Variants in RPSA2 observed in about 807,000 individuals in gnomAD.
The protein encoded by RPSA2 is small ribosomal subunit protein uS2B.
the RPSA2 span, among the ~76,000 whole-genome samples, chr19:23,772,807 GAC>G: frequency 2.0e-5 from 3 of 152,212 alleles, no homozygotes; most frequent in Admixed American, 6.5e-5. Context: ...TTGAGATGGT[GAC>G]ACATTTCTAA....
chr19:23,819,010 G>A, the RPSA2 span: 4 of 152,094 alleles, frequency 2.6e-5, no homozygotes, highest in African/African-American at 7.3e-5. Context: ...TCCCTTTAAC[G>A]TGGTTAAAGG....
At chr19:23,832,222 AAATGTGAAG>A in the RPSA2 span, 1 of 438,936 alleles carries the variant, frequency 2.3e-6, no homozygotes, top group Non-Finnish European at 4.6e-6. Flanking sequence ...GAAACTCTAC[AAATGTGAAG>A]AATGTGGCAA....
chr19:23,790,238 C>T, the RPSA2 span, among the ~76,000 whole-genome samples: 1 of 152,218 alleles, frequency 6.6e-6, no homozygotes, highest in East Asian at 1.9e-4. Context: ...ACCTCGTGAT[C>T]CACCCGCCTA....
At chr19:23,833,857 C>T in the RPSA2 span, among the ~76,000 whole-genome samples, 1 of 152,040 alleles carries the variant, frequency 6.6e-6, no homozygotes, top group Non-Finnish European at 1.5e-5. Flanking sequence ...TTATTGTACA[C>T]ATTTTGTGCT....
the RPSA2 span, among the ~76,000 whole-genome samples, chr19:23,761,906 T>TCTC: frequency 1.5e-4 from 14 of 92,128 alleles, no homozygotes; most frequent in Middle Eastern, 4.5e-3. Flanking sequence ...ACGTAATTCT[T>TCTC]TCTTTCTTTC....
the RPSA2 span, among the ~76,000 whole-genome samples, chr19:23,801,652 G>T: frequency 6.6e-6 from 1 of 152,176 alleles, no homozygotes; most frequent in Non-Finnish European, 1.5e-5. Context: ...ATTGCCAAAA[G>T]TAGGTATAAG....
At chr19:23,782,226 G>T in the RPSA2 span, 1 of 152,172 alleles carries the variant, frequency 6.6e-6, no homozygotes, top group Non-Finnish European at 1.5e-5. Flanking sequence ...AATCACAGGG[G>T]GTATTGGGAC....
the RPSA2 span, among the ~76,000 whole-genome samples, chr19:23,863,761 G>T: frequency 2.0e-5 from 3 of 152,180 alleles, no homozygotes; most frequent in East Asian, 1.9e-4. Flanking sequence ...TTACTGTAAA[G>T]ATAATAATGA....
the RPSA2 span, among the ~76,000 whole-genome samples, chr19:23,792,582 T>C: frequency 8.7e-5 from 1 of 11,526 alleles, no homozygotes; most frequent in Non-Finnish European, 2.7e-4. Flanking sequence ...TTTTTTTGTT[T>C]TTGTTTTTGT....
the RPSA2 span, among the ~76,000 whole-genome samples, chr19:23,760,164 A>T: frequency 6.6e-6 from 1 of 152,312 alleles, no homozygotes; most frequent in East Asian, 1.9e-4. Context: ...AAACCCAGTC[A>T]GAACAAATGA....
the RPSA2 span, among the ~76,000 whole-genome samples, chr19:23,846,247 A>T: frequency 6.6e-6 from 1 of 152,114 alleles, no homozygotes; most frequent in Non-Finnish European, 1.5e-5. Context: ...ACACAGTTGG[A>T]TCATTTTTTC....
chr19:23,828,994 T>C, the RPSA2 span, among the ~76,000 whole-genome samples: 2 of 151,974 alleles, frequency 1.3e-5, no homozygotes, highest in Non-Finnish European at 2.9e-5. Flanking sequence ...TCCCTGTGAA[T>C]GAATCTATTA....
At chr19:23,782,796 A>G in the RPSA2 span, among the ~76,000 whole-genome samples, 1 of 152,094 alleles carries the variant, frequency 6.6e-6, no homozygotes, top group East Asian at 1.9e-4. Context: ...TGGAATATAA[A>G]GCTGAGCCCA....
the RPSA2 span, among the ~76,000 whole-genome samples, chr19:23,771,931 G>T: frequency 1.3e-5 from 2 of 152,078 alleles, no homozygotes; most frequent in African/African-American, 4.8e-5. Context: ...CTGTTTTTCT[G>T]CCTGGGCCCT....
the RPSA2 span, among the ~76,000 whole-genome samples, chr19:23,777,835 C>A: frequency 6.6e-6 from 1 of 152,150 alleles, no homozygotes; most frequent in Admixed American, 6.6e-5. Context: ...GGTTTCAATA[C>A]CCAGGTGATG....
chr19:23,868,048 C>T, the RPSA2 span, among the ~76,000 whole-genome samples: 1 of 152,126 alleles, frequency 6.6e-6, no homozygotes, highest in African/African-American at 2.4e-5. Context: ...CCGGAATTCA[C>T]CGATGTTTGT....
chr19:23,839,963 G>A, the RPSA2 span, among the ~76,000 whole-genome samples: 3 of 152,194 alleles, frequency 2.0e-5, no homozygotes, highest in Non-Finnish European at 4.4e-5. Context: ...ACTGTATTTG[G>A]GGTGTCTGTC....
the RPSA2 span, among the ~76,000 whole-genome samples, chr19:23,870,189 A>T: frequency 1.3e-5 from 2 of 152,112 alleles, no homozygotes; most frequent in African/African-American, 4.8e-5. Context: ...TGGTCACACT[A>T]ATCACTTCTG....
the RPSA2 span, among the ~76,000 whole-genome samples, chr19:23,797,105 ATATTTATTTATT>A: frequency 1.3e-5 from 2 of 151,252 alleles, no homozygotes; most frequent in Non-Finnish European, 1.5e-5. Context: ...ATTTTTATTT[ATATTTATTTATT>A]TATTTATTTT....
Sources: gnomAD v4.1 joint callset for allele counts (sites outside exome capture counted in the v4.1 genomes callset) on GRCh38, gnomAD v4.1.1 for gene constraint, MANE v1.5 for transcripts, NCBI Gene and HGNC (gene_info 2026-07-23, HGNC 2026-07-21) for gene names.